The following ABTB2 variants were observed in gnomAD, a reference collection of about 807,000 sequenced individuals.
ABTB2 encodes the protein ankyrin repeat and BTB/POZ domain-containing protein 2.
Under a neutral mutation model 104.1 loss-of-function variants are expected in ABTB2, and 56 were observed. The ratio of observed to expected loss-of-function variants is 0.54; its 90% CI spans 0.43 to 0.67. The LOEUF is 0.67. ABTB2 is among the 30% of genes least tolerant of loss of function. ABTB2 has a pLI of 0.00. For synonymous variants in ABTB2, 606 were observed against 608.2 expected, an observed-to-expected ratio of 1.00 and a Z score of 0.05; for missense variants, 1,279 against 1,407.7, an observed-to-expected ratio of 0.91 and a Z score of 1.46.
intron 1 of ABTB2, among the ~76,000 whole-genome samples, chr11:34,221,197 T>C (rs1462105337): frequency 6.6e-6 from 1 of 152,146 alleles, no homozygotes; most frequent in African/African-American, 2.4e-5. Context: ...GGTCTCGAAC[T>C]CTTGGCCTCG....
In ABTB2 at chr11:34,154,074, A is replaced by C. The variant is rs1368803321; in HGVS notation, c.2880+191T>G. Reference sequence around the variant, plus strand: ...AAAAGCTCACCTCCCAAGCTACCACATGGCCAGTGGGCAGCAGTGACCCCA... The same window carrying C: ...AAAAGCTCACCTCCCAAGCTACCACCTGGCCAGTGGGCAGCAGTGACCCCA... On this transcript the variant is annotated intron_variant, in intron 16 of 16. Coordinates refer to ENST00000435224, the MANE Select transcript of ABTB2 (RefSeq NM_145804.3). This position sits in a 1 kb window ranked among gnomAD's most constrained non-coding sequence, Gnocchi z 4.9. 6.6e-6 allele frequency among the ~76,000 whole-genome samples: 1 copy of C among 152,186 alleles called. No homozygotes were observed. The highest frequency in any genetic ancestry group is 1.5e-5 in the Non-Finnish European group (1 of 68,034).
intron 10 of ABTB2, among the ~76,000 whole-genome samples, chr11:34,161,414 T>C (rs1852719400): frequency 6.6e-6 from 1 of 152,202 alleles, no homozygotes; most frequent in Non-Finnish European, 1.5e-5. Flanking sequence ...TTTGGAAGTA[T>C]GGGCCCAGCA....
chr11:34,306,993 AAAAAAAAAAAAGAAAG>A (rs1197148068), intron 1 of ABTB2, among the ~76,000 whole-genome samples: 3 of 151,404 alleles, frequency 2.0e-5, no homozygotes, highest in African/African-American at 7.3e-5. Flanking sequence ...AAAAAAAAAA[AAAAAAAAAAAAGAAAG>A]AAAAAAAGCA....
intron 2 of ABTB2, among the ~76,000 whole-genome samples, chr11:34,204,156 G>A (rs2133040319): frequency 6.6e-6 from 1 of 152,226 alleles, no homozygotes; most frequent in Admixed American, 6.5e-5. Context: ...TTTCGAGAAA[G>A]AGCACCAGTT....
intron 1 of ABTB2, among the ~76,000 whole-genome samples, chr11:34,220,093 A>G (rs546693233): frequency 1.3e-5 from 2 of 152,384 alleles, no homozygotes; most frequent in Admixed American, 1.3e-4. Flanking sequence ...GGTATAGGGA[A>G]GGAAGCTAGT....
In ABTB2 at chr11:34,162,589, C is replaced by T. The variant is rs1852737361; in HGVS notation, c.2205G>A (p.Glu735=). The part of the protein sequence containing the change: ...AEHGYVDITM[E]LRALGVPWKL... ...GTGAGGCCTCACCCAGTGCCCTCAG[C>T]TCCATGGTGATGTCCACGTAGCCGT... Residue 735 remains glutamate, a synonymous_variant, in exon 10 of 17, where the codon GAG becomes GAA. Transcript: ENST00000435224. The T allele has an allele frequency of 6.2e-7, 1 of 1,613,446 alleles. No individual in the cohort carries two copies. Among genetic ancestry groups the T allele is most frequent in the African/African-American group, 1.3e-5 (1 of 74,942 alleles).
At chr11:34,277,799 CTTTTTTTTT>C (rs1163442976) in intron 1 of ABTB2, among the ~76,000 whole-genome samples, 1 of 120,724 alleles carries the variant, frequency 8.3e-6, no homozygotes, top group African/African-American at 3.5e-5. Flanking sequence ...AACAGATTCT[CTTTTTTTTT>C]TTTTTTTTTT....
Position 34,151,416 on chromosome 11 carries a change from G to A in ABTB2, c.*971C>T, listed in dbSNP as rs1183964526. ...GGCCCTTACCTTCCATCAATGCCCT[G>A]TCCTTTAATCTCCAAGAGTCACAGT... On this transcript the variant is annotated 3_prime_UTR_variant, in exon 17 of 17. Transcript: ENST00000435224. 6.6e-6 allele frequency: 1 copy of A among 152,232 alleles called. No individual in the cohort carries two copies. The highest frequency in any genetic ancestry group is 1.5e-5 in the Non-Finnish European group (1 of 68,064). 9.4% of individuals were successfully genotyped at this position (152,232 alleles called of 1,614,324 possible).
chr11:34,355,260 T>A (rs1395990192), intron 1 of ABTB2, among the ~76,000 whole-genome samples: 1 of 148,210 alleles, frequency 6.7e-6, no homozygotes, highest in African/African-American at 2.6e-5. Context: ...TATAGTCCAG[T>A]AAGAAAAACA....
intron 1 of ABTB2, among the ~76,000 whole-genome samples, chr11:34,297,765 T>G (rs1197706225): frequency 3.9e-5 from 1 of 25,514 alleles, no homozygotes; most frequent in Non-Finnish European, 5.8e-5. Flanking sequence ...AAACTCCATC[T>G]CAAAAAAAAA....
In ABTB2 at chr11:34,151,099, A is replaced by G. The variant is rs150560204; in HGVS notation, c.*1288T>C. ...ATATTACAGCAATAAAATAATGCCTATTTCTTTGTACATCCAGCCAAGCAG... is the reference window on the plus strand; with the variant it reads ...ATATTACAGCAATAAAATAATGCCTGTTTCTTTGTACATCCAGCCAAGCAG... On this transcript the variant is annotated 3_prime_UTR_variant, in exon 17 of 17. Transcript: ENST00000435224. 6.6e-3 allele frequency: 1,008 copies of G among 152,786 alleles called. 6 individuals are homozygous for G. The highest frequency in any genetic ancestry group is 8.6e-3 in the Non-Finnish European group (584 of 68,042). 9.5% of individuals were successfully genotyped at this position (152,786 alleles called of 1,614,324 possible).
In ABTB2 at chr11:34,356,826, T is replaced by C; in HGVS notation, c.758A>G (p.Asp253Gly). ...CTCCCCGCCTCCGGCCCCTCCGCCA[T>C]CAGGGCTGTGGCTGGCCATCACCCT... is the stretch of plus-strand genomic sequence containing the variant. Reference protein sequence around the residue: ...RARVMASHSPDGGGAGGGEVS... With the variant: ...RARVMASHSPGGGGAGGGEVS... The change falls in exon 1 of 17, where the codon GAT (aspartate) becomes GGT (glycine). Residue 253 changes from aspartate (D) to glycine (G), a missense_variant. By Grantham distance (94) the Asp-to-Gly change is moderately conservative. Coordinates refer to ENST00000435224, the MANE Select transcript of ABTB2 (RefSeq NM_145804.3). This position sits in a 1 kb window ranked among gnomAD's most constrained non-coding sequence, Gnocchi z 4.6. The C allele has an allele frequency of 1.9e-6, 3 of 1,607,280 alleles. No homozygotes were observed. The highest frequency in any genetic ancestry group is 2.5e-6 in the Non-Finnish European group (3 of 1,176,920).
intron 13 of ABTB2, among the ~76,000 whole-genome samples, chr11:34,159,616 CT>C (rs2133003506): frequency 6.6e-6 from 1 of 152,356 alleles, no homozygotes; most frequent in South Asian, 2.1e-4. Context: ...GACCTGACGC[CT>C]GTGGCCAGAA....
At chr11:34,293,721 G>T (rs1275081695) in intron 1 of ABTB2, among the ~76,000 whole-genome samples, 1 of 151,504 alleles carries the variant, frequency 6.6e-6, no homozygotes, top group African/African-American at 2.4e-5. Flanking sequence ...AGGAAAACAA[G>T]GTAAATTTTT....
At position 34,190,552 on chromosome 11, in the gene ABTB2, C is replaced by T. The variant is rs114745256; in HGVS notation, c.1244+6773G>A. Among the ~76,000 whole-genome samples, 675 of 152,278 alleles carry T rather than the reference C, an allele frequency of 4.4e-3. 3 individuals carry two copies. The highest frequency in any genetic ancestry group is 0.016 in the African/African-American group (651 of 41,546). ...CCCTTCTCCATGGATCCGCAGGAGT[C>T]CAGGGAGAAACAGGAGTAAGTCAAG... On this transcript the variant is annotated intron_variant, in intron 3 of 16. Transcript: ENST00000435224.
intron 1 of ABTB2, among the ~76,000 whole-genome samples, chr11:34,341,837 C>A (rs1281107351): frequency 6.6e-6 from 1 of 152,156 alleles, no homozygotes; most frequent in Non-Finnish European, 1.5e-5. Context: ...TTGCTCTGAT[C>A]TTGGAACGTT....
Position 34,189,418 on chromosome 11 carries a change from C to T in ABTB2, c.1244+7907G>A, listed in dbSNP as rs117333278. 3.1e-3 allele frequency: 475 copies of T among 152,420 alleles called. 2 individuals are homozygous for T. The highest frequency in any genetic ancestry group is 4.7e-3 in the Non-Finnish European group (317 of 68,148). 9.4% of individuals were successfully genotyped at this position (152,420 alleles called of 1,614,324 possible). ...GAATTCAAGACCAGTCTGGGTGACA[C>T]GGCGAAACCCCATTTCTACAAAAAA... On this transcript the variant is annotated intron_variant, in intron 3 of 16. Coordinates refer to ENST00000435224, the MANE Select transcript of ABTB2 (RefSeq NM_145804.3).
At chr11:34,220,323 A>G (rs1853604278) in intron 1 of ABTB2, among the ~76,000 whole-genome samples, 1 of 152,192 alleles carries the variant, frequency 6.6e-6, no homozygotes. Flanking sequence ...TGGCCATGCA[A>G]TATGCCAGGA....
rs951132433 is a variant in ABTB2, at chr11:34,182,501, G to GC, written c.1245-9195_1245-9194insG. Among the ~76,000 whole-genome samples the GC allele has an allele frequency of 8.6e-5, 12 of 139,548 alleles. 1 individual carries two copies. Among genetic ancestry groups the GC allele is most frequent in the Admixed American group, 2.9e-4 (4 of 13,910 alleles). The allele number at this position is 139,548 out of a possible 152,430, so 91.5% of individuals were successfully genotyped here. A position where few individuals can be genotyped will look rare whatever the true frequency, so the allele number is the denominator to read the frequency against. The stretch of plus-strand genomic sequence containing the variant: ...GAGGTGGGGCATTGGGTTCTCTGGG[G>GC]GGGGGGGGAAATTCACTTTTCCTAT... On this transcript the variant is annotated intron_variant, in intron 3 of 16. Transcript: ENST00000435224.
Sources: allele counts gnomAD v4.1 joint callset (sites outside exome capture counted in the v4.1 genomes callset), GRCh38; gene constraint gnomAD v4.1.1; non-coding constraint Gnocchi (gnomAD v3.1); transcripts MANE v1.5; gene names NCBI Gene and HGNC (gene_info 2026-07-23, HGNC 2026-07-21).